Variants in MLNR observed in about 807,000 individuals in gnomAD.
The protein encoded by MLNR is G protein-coupled receptor 38.
Under a neutral mutation model 20.0 loss-of-function variants are expected in MLNR, and 16 were observed. That is an observed-to-expected ratio of 0.80 (90% CI 0.54 to 1.22). MLNR has a LOEUF of 1.22. Ranked by LOEUF, MLNR falls within the 50% of genes most tolerant of loss-of-function variation. The pLI, the probability that MLNR is intolerant of heterozygous loss-of-function variation, is 0.00. For synonymous variants in MLNR, 302 were observed against 287.2 expected (o/e 1.05, Z -0.52); for missense variants, 630 against 592.3 (o/e 1.06, Z -0.66).
At position 49,220,349 on chromosome 13, in the gene MLNR, C is replaced by G; in HGVS notation, c.12C>G (p.Pro4=). MGS[P]WNGSDGPEGA... is the part of the protein sequence containing the mutation. The stretch of plus-strand genomic sequence containing the variant: ...CGCGCGGAGCACCCATGGGCAGCCC[C>G]TGGAACGGCAGCGACGGCCCCGAGG... The change falls in exon 1 of 2, where the codon CCC becomes CCG. Residue 4 remains proline (P), a synonymous_variant. Coordinates refer to ENST00000218721, the MANE Select transcript of MLNR (RefSeq NM_001507.1). This position sits in a 1 kb window ranked among gnomAD's most constrained non-coding sequence, Gnocchi z 4.4. 2 of 1,398,192 alleles carry G rather than the reference C, an allele frequency of 1.4e-6. No homozygotes were observed. Among genetic ancestry groups the G allele is most frequent in the Non-Finnish European group, 1.8e-6 (2 of 1,086,116 alleles). The allele number at this position is 1,398,192 out of a possible 1,614,324, so 86.6% of individuals were successfully genotyped here.
Position 49,222,272 on chromosome 13 carries a change from A to C in MLNR, c.1134A>C (p.Arg378Ser), listed in dbSNP as rs779899658. 15 of 1,613,968 alleles carry C rather than the reference A, an allele frequency of 9.3e-6. No individual in the cohort carries two copies. The South Asian group carries it at 1.6e-4, about 18-fold the overall frequency. ...KLLLARKSRP[R>S]GFHRSRDTAG... ...TGCTCGCAAGGAAGTCCAGGCCGAG[A>C]GGCTTCCACAGAAGCAGGGACACTG... is the stretch of plus-strand genomic sequence containing the variant. The change falls in exon 2 of 2, where the codon AGA (arginine) becomes AGC (serine). Residue 378 changes from arginine to serine, a missense_variant. Physicochemically the swap from Arg to Ser is moderately radical, Grantham distance 110. Transcript: ENST00000218721.
chr13:49,220,415 C>G lies in MLNR; in HGVS notation c.78C>G (p.Asp26Glu), dbSNP rs776062536. The G allele has an allele frequency of 6.5e-7, 1 of 1,527,932 alleles. No homozygotes were observed. Among genetic ancestry groups the G allele is most frequent in the Non-Finnish European group, 8.8e-7 (1 of 1,142,624 alleles). 94.6% of individuals were successfully genotyped at this position (1,527,932 alleles called of 1,614,324 possible). A position where few individuals can be genotyped will look rare whatever the true frequency, so the allele number is the denominator to read the frequency against. Residue 26 changes from aspartate (D) to glutamate (E), a missense_variant, in exon 1 of 2, where the codon GAC becomes GAG. Transcript: ENST00000218721. The surrounding 1 kb of genome is among the most constrained non-coding windows in gnomAD (Gnocchi z 4.4). Reference protein sequence around the residue: ...EPPWPALPPCDERRCSPFPLG... With the variant: ...EPPWPALPPCEERRCSPFPLG... ...CGTGGCCCGCGCTGCCGCCTTGCGA[C>G]GAGCGCCGCTGCTCGCCCTTTCCCC...
At position 49,220,646 on chromosome 13, in the gene MLNR, C is replaced by T. The variant is rs1478971878; in HGVS notation, c.309C>T (p.Pro103=). 2.5e-6 allele frequency: 4 copies of T among 1,610,424 alleles called. No homozygotes were observed. In the East Asian group the frequency reaches 9.0e-5, roughly 36 times the overall value. The change falls in exon 1 of 2, where the codon CCC becomes CCT. Residue 103 remains proline, a synonymous_variant. Transcript: ENST00000218721. This position sits in a 1 kb window ranked among gnomAD's most constrained non-coding sequence, Gnocchi z 4.4. ...FDLYRLWRSR[P]WVFGPLLCRL... ...TGTACCGCCTCTGGCGCTCGCGGCC[C>T]TGGGTGTTCGGGCCGCTGCTCTGCC...
intron 1 of MLNR, 74 bp from the exon 2 acceptor site, chr13:49,221,966 T>C: frequency 2.2e-6 from 3 of 1,338,678 alleles, no homozygotes; most frequent in South Asian, 1.4e-5. Flanking sequence ...TTGCAGATGG[T>C]TCCTTGTCGG....
Position 49,221,045 on chromosome 13 carries a change from G to A in MLNR, c.708G>A (p.Arg236=). The stretch of plus-strand genomic sequence containing the variant: ...CGGCGCTGTTCAGCCGCGAATGCCG[G>A]CCGAGCCCCGCGCAGCTGGGCGCGC... ...EAAALFSREC[R]PSPAQLGALR... Residue 236 remains arginine (R), a synonymous_variant, in exon 1 of 2, where the codon CGG becomes CGA. Transcript: ENST00000218721. The A allele has an allele frequency of 6.4e-7, 1 of 1,568,990 alleles. No homozygotes were observed. The highest frequency in any genetic ancestry group is 8.6e-7 in the Non-Finnish European group (1 of 1,168,068).
chr13:49,220,485 G>A lies in MLNR; in HGVS notation c.148G>A (p.Val50Ile), dbSNP rs753898400. Residue 50 changes from valine (V) to isoleucine (I), a missense_variant, in exon 1 of 2, where the codon GTC becomes ATC. By Grantham distance (29) the Val-to-Ile change is conservative. Transcript: ENST00000218721. This position sits in a 1 kb window ranked among gnomAD's most constrained non-coding sequence, Gnocchi z 4.4. ...GACCGCTGTGTGCCTGTGCCTGTTC[G>A]TCGTCGGGGTGAGCGGCAACGTGGT... ...PVTAVCLCLF[V>I]VGVSGNVVTV... 1 of 1,589,932 alleles carries A rather than the reference G, an allele frequency of 6.3e-7. No homozygotes were observed. Among genetic ancestry groups the A allele is most frequent in the South Asian group, 1.1e-5 (1 of 87,928 alleles).
Position 49,220,882 on chromosome 13 carries a change from A to C in MLNR, c.545A>C (p.Asp182Ala), listed in dbSNP as rs1886996560. The change falls in exon 1 of 2, where the codon GAC becomes GCC. Residue 182 changes from aspartate (D) to alanine (A), a missense_variant. Physicochemically the swap from Asp to Ala is moderately radical, Grantham distance 126. Transcript: ENST00000218721. The surrounding 1 kb of genome is among the most constrained non-coding windows in gnomAD (Gnocchi z 4.4). The part of the protein sequence containing the change: ...PFLFLVGVEQ[D>A]PGISVVPGLN... Reference sequence around the variant, plus strand: ...TTGTTCCTGGTGGGCGTCGAGCAGGACCCCGGCATCTCCGTAGTCCCGGGC... The same window carrying C: ...TTGTTCCTGGTGGGCGTCGAGCAGGCCCCCGGCATCTCCGTAGTCCCGGGC... 6.4e-7 allele frequency: 1 copy of C among 1,564,806 alleles called. No individual in the cohort carries two copies. The highest frequency in any genetic ancestry group is 1.4e-5 in the African/African-American group (1 of 71,582).
At position 49,221,178 on chromosome 13, in the gene MLNR, C is replaced by T. The variant is rs761431105; in HGVS notation, c.841C>T (p.Leu281=). The change falls in exon 1 of 2, where the codon CTG becomes TTG. Residue 281 remains leucine, a synonymous_variant. Coordinates refer to ENST00000218721, the MANE Select transcript of MLNR (RefSeq NM_001507.1). The part of the protein sequence containing the change: ...GRELWSSRRP[L]RGPAASGRER... ...GGAGCTGTGGAGCAGCCGGCGGCCG[C>T]TGCGAGGCCCGGCCGCCTCGGGGCG... is the stretch of plus-strand genomic sequence containing the variant. 6.3e-7 allele frequency: 1 copy of T among 1,586,226 alleles called. No individual in the cohort carries two copies. Among genetic ancestry groups the T allele is most frequent in the Non-Finnish European group, 8.5e-7 (1 of 1,174,922 alleles).
At position 49,220,454 on chromosome 13, in the gene MLNR, G is replaced by A; in HGVS notation, c.117G>A (p.Val39=). The A allele has an allele frequency of 6.4e-7, 1 of 1,559,892 alleles. No homozygotes were observed. The highest frequency in any genetic ancestry group is 8.6e-7 in the Non-Finnish European group (1 of 1,156,094). The part of the protein sequence containing the change: ...RCSPFPLGAL[V]PVTAVCLCLF... ...CGCCCTTTCCCCTGGGGGCGCTGGT[G>A]CCGGTGACCGCTGTGTGCCTGTGCC... The change falls in exon 1 of 2, where the codon GTG becomes GTA. Residue 39 remains valine (V), a synonymous_variant. Transcript: ENST00000218721. The surrounding 1 kb of genome is among the most constrained non-coding windows in gnomAD (Gnocchi z 4.4).
chr13:49,221,315 C>A, intron 1 of MLNR, 77 bp downstream of exon 1: 2 of 1,440,032 alleles, frequency 1.4e-6, no homozygotes, highest in South Asian at 2.4e-5. Flanking sequence ...CGCTGGGTCC[C>A]CTTCCCCTGC....
intron 1 of MLNR, 21 bp downstream of exon 1, chr13:49,221,259 TC>T (rs1887008227): frequency 1.3e-6 from 2 of 1,549,836 alleles, no homozygotes; most frequent in African/African-American, 2.7e-5. Flanking sequence ...CCGCCGTGGT[TC>T]CAAAGACGCC....
rs1417102577 is a variant in MLNR, at chr13:49,220,810, T to G, written c.473T>G (p.Leu158Arg). The G allele has an allele frequency of 6.4e-7, 1 of 1,571,782 alleles. No individual in the cohort carries two copies. ...GTCACCCGGCGCCGCGTCCGCGCGC[T>G]CATCGCTGTGCTCTGGGCCGTGGCG... Reference protein sequence around the residue: ...VLVTRRRVRALIAVLWAVALL... With the variant: ...VLVTRRRVRARIAVLWAVALL... The change falls in exon 1 of 2, where the codon CTC becomes CGC. Residue 158 changes from leucine to arginine, a missense_variant. By Grantham distance (102) the Leu-to-Arg change is moderately radical. Coordinates refer to ENST00000218721, the MANE Select transcript of MLNR (RefSeq NM_001507.1). This position sits in a 1 kb window ranked among gnomAD's most constrained non-coding sequence, Gnocchi z 4.4.
In MLNR at chr13:49,220,589, CCTACT is replaced by C; in HGVS notation, c.254_258del (p.Leu85HisfsTer251). Reference sequence around the variant, plus strand: ...ACCTGGGCAGCATGGCCGTGTCCGACCTACTCATCCTGCTCGGGCTGCCGTTCGAC... The same window carrying C: ...ACCTGGGCAGCATGGCCGTGTCCGACCATCCTGCTCGGGCTGCCGTTCGAC... On this transcript the variant is annotated frameshift_variant, in exon 1 of 2. Transcript: ENST00000218721. LOFTEE classifies it high-confidence loss of function. This position sits in a 1 kb window ranked among gnomAD's most constrained non-coding sequence, Gnocchi z 4.4. 1 of 1,613,290 alleles carries C rather than the reference CCTACT, an allele frequency of 6.2e-7. No individual in the cohort carries two copies.
In MLNR at chr13:49,220,867, T is replaced by C; in HGVS notation, c.530T>C (p.Val177Ala). 1 of 1,575,452 alleles carries C rather than the reference T, an allele frequency of 6.3e-7. No homozygotes were observed. The highest frequency in any genetic ancestry group is 8.6e-7 in the Non-Finnish European group (1 of 1,162,972). Residue 177 changes from valine (V) to alanine (A), a missense_variant, in exon 1 of 2, where the codon GTG becomes GCG. Physicochemically the swap from Val to Ala is moderately conservative, Grantham distance 64 (BLOSUM62 0). Coordinates refer to ENST00000218721, the MANE Select transcript of MLNR (RefSeq NM_001507.1). This position sits in a 1 kb window ranked among gnomAD's most constrained non-coding sequence, Gnocchi z 4.4. ...TCTGCCGGTCCCTTCTTGTTCCTGGTGGGCGTCGAGCAGGACCCCGGCATC... is the reference window on the plus strand; with the variant it reads ...TCTGCCGGTCCCTTCTTGTTCCTGGCGGGCGTCGAGCAGGACCCCGGCATC... ...LLSAGPFLFLVGVEQDPGISV... is the reference protein window; with the variant it reads ...LLSAGPFLFLAGVEQDPGISV...
chr13:49,220,607 G>A lies in MLNR; in HGVS notation c.270G>A (p.Gly90=), dbSNP rs200826240. The change falls in exon 1 of 2, where the codon GGG becomes GGA. Residue 90 remains glycine (G), a synonymous_variant. Transcript: ENST00000218721. This position sits in a 1 kb window ranked among gnomAD's most constrained non-coding sequence, Gnocchi z 4.4. ...TGTCCGACCTACTCATCCTGCTCGGGCTGCCGTTCGACCTGTACCGCCTCT... is the reference window on the plus strand; with the variant it reads ...TGTCCGACCTACTCATCCTGCTCGGACTGCCGTTCGACCTGTACCGCCTCT... ...MAVSDLLILL[G]LPFDLYRLWR... The A allele has an allele frequency of 7.4e-6, 12 of 1,612,880 alleles. No individual in the cohort carries two copies. The highest frequency in any genetic ancestry group is 1.7e-4 in the Middle Eastern group (1 of 6,056).
rs527456704 is a variant in MLNR at position 49,220,936 on chromosome 13, C to T, written c.599C>T (p.Ser200Leu). 12 of 1,519,348 alleles carry T rather than the reference C, an allele frequency of 7.9e-6. 1 individual carries two copies. In the Admixed American group the frequency reaches 1.2e-4, roughly 16 times the overall value. The allele number at this position is 1,519,348 out of a possible 1,614,324, so 94.1% of individuals were successfully genotyped here. ...AATGGCACCGCGCGGATCGCCTCCT[C>T]GCCTCTCGCCTCGTCGCCGCCTCTC... ...GLNGTARIAS[S>L]PLASSPPLWL... Residue 200 changes from serine (S) to leucine (L), a missense_variant, in exon 1 of 2, where the codon TCG becomes TTG. Coordinates refer to ENST00000218721, the MANE Select transcript of MLNR (RefSeq NM_001507.1). This position sits in a 1 kb window ranked among gnomAD's most constrained non-coding sequence, Gnocchi z 4.4.
chr13:49,220,346 C>A lies in MLNR; in HGVS notation c.9C>A (p.Ser3Arg). 1 of 1,386,552 alleles carries A rather than the reference C, an allele frequency of 7.2e-7. No homozygotes were observed. The highest frequency in any genetic ancestry group is 9.3e-7 in the Non-Finnish European group (1 of 1,079,990). 85.9% of individuals were successfully genotyped at this position (1,386,552 alleles called of 1,614,324 possible). Reference sequence around the variant, plus strand: ...GGCCGCGCGGAGCACCCATGGGCAGCCCCTGGAACGGCAGCGACGGCCCCG... The same window carrying A: ...GGCCGCGCGGAGCACCCATGGGCAGACCCTGGAACGGCAGCGACGGCCCCG... MG[S>R]PWNGSDGPEG... is the part of the protein sequence containing the mutation. Residue 3 changes from serine (S) to arginine (R), a missense_variant, in exon 1 of 2, where the codon AGC (serine) becomes AGA (arginine). Physicochemically the swap from Ser to Arg is moderately radical, Grantham distance 110. Transcript: ENST00000218721. The surrounding 1 kb of genome is among the most constrained non-coding windows in gnomAD (Gnocchi z 4.4).
Position 49,220,920 on chromosome 13 carries a change from G to A in MLNR, c.583G>A (p.Ala195Thr), listed in dbSNP as rs768861190. The change falls in exon 1 of 2, where the codon GCG (alanine) becomes ACG (threonine). Residue 195 changes from alanine (A) to threonine (T), a missense_variant. Ala to Thr is a moderately conservative substitution (Grantham distance 58, BLOSUM62 0). Coordinates refer to ENST00000218721, the MANE Select transcript of MLNR (RefSeq NM_001507.1). This position sits in a 1 kb window ranked among gnomAD's most constrained non-coding sequence, Gnocchi z 4.4. ...CGTAGTCCCGGGCCTCAATGGCACC[G>A]CGCGGATCGCCTCCTCGCCTCTCGC... is the stretch of plus-strand genomic sequence containing the variant. ...ISVVPGLNGT[A>T]RIASSPLASS... is the part of the protein sequence containing the mutation. 1.3e-6 allele frequency: 2 copies of A among 1,544,578 alleles called. No individual in the cohort carries two copies. Among genetic ancestry groups the A allele is most frequent in the Middle Eastern group, 1.7e-4 (1 of 5,808 alleles).
chr13:49,221,989 A>G, intron 1 of MLNR, 51 bp from the exon 2 acceptor site: 2 of 1,527,700 alleles, frequency 1.3e-6, no homozygotes, highest in Non-Finnish European at 1.8e-6. Context: ...TGGGGGGTTT[A>G]TTTGCTTCCC....
Sources: gnomAD v4.1 joint callset for allele counts on GRCh38, gnomAD v4.1.1 for gene constraint, Gnocchi (gnomAD v3.1) non-coding constraint, MANE v1.5 for transcripts, NCBI Gene and HGNC (gene_info 2026-07-23, HGNC 2026-07-21) for gene names.